The following KSR2 variants were observed in gnomAD, a reference collection of about 807,000 sequenced individuals.
KSR2 encodes the protein kinase suppressor of ras 2.
Under a neutral mutation model 107.8 loss-of-function variants are expected in KSR2, and 25 were observed. The observed-to-expected ratio is 0.23, with a 90% CI of 0.17 to 0.32. The LOEUF is 0.32. Among genes scored for constraint, KSR2 ranks in the 10% least tolerant of loss-of-function variants. KSR2 has a pLI of 1.00. For missense variants in KSR2, 887 were observed against 1,268.9 expected, an observed-to-expected ratio of 0.70 and a Z score of 4.57; for synonymous variants, 480 against 507.0, an observed-to-expected ratio of 0.95 and a Z score of 0.71.
intron 14 of KSR2, among the ~76,000 whole-genome samples, chr12:117,523,888 C>T (rs1418770616): frequency 6.6e-6 from 1 of 152,166 alleles, no homozygotes; most frequent in Non-Finnish European, 1.5e-5. Context: ...AGGAGAATCG[C>T]TTGAACCCGG....
chr12:117,530,452 A>G (rs563725696), intron 12 of KSR2, among the ~76,000 whole-genome samples: 1 of 152,184 alleles, frequency 6.6e-6, no homozygotes. Context: ...CTGTGTTCCA[A>G]TAAAACTTTA....
At chr12:117,759,845 T>C (rs967230316) in intron 4 of KSR2, among the ~76,000 whole-genome samples, 9 of 152,252 alleles carry the variant, frequency 5.9e-5, no homozygotes, top group South Asian at 4.1e-4. Context: ...TGATGGCTCA[T>C]GCCTGTAATC....
chr12:117,492,523 C>A (rs1872800039), intron 14 of KSR2, among the ~76,000 whole-genome samples: 2 of 152,210 alleles, frequency 1.3e-5, no homozygotes, highest in South Asian at 2.1e-4. Flanking sequence ...TTGGGGCACA[C>A]TGCATCTCAT....
chr12:117,738,094 G>A (rs756453904), intron 4 of KSR2, among the ~76,000 whole-genome samples: 8 of 152,114 alleles, frequency 5.3e-5, no homozygotes, highest in African/African-American at 1.2e-4. Context: ...ACACTATCCC[G>A]GAAGCAGAAG....
chr12:117,953,231 T>TA (rs57368412), intron 1 of KSR2, among the ~76,000 whole-genome samples: 8,547 of 152,096 alleles, frequency 0.056, 801 homozygotes, highest in African/African-American at 0.19. Flanking sequence ...GGTGGGAATG[T>TA]AAAAAACGGT....
chr12:117,620,182 T>C (rs1288134806), intron 5 of KSR2, among the ~76,000 whole-genome samples: 1 of 152,106 alleles, frequency 6.6e-6, no homozygotes, highest in Non-Finnish European at 1.5e-5. Flanking sequence ...TGGTGAAAGA[T>C]AAGGACACCA....
intron 5 of KSR2, among the ~76,000 whole-genome samples, chr12:117,583,365 G>A (rs11068552): frequency 0.61 from 87,894 of 144,112 alleles, 27,852 homozygotes; most frequent in East Asian, 0.97. Context: ...GAGTGAGTGG[G>A]TGGGTGGGTG....
chr12:117,908,838 T>A (rs1365012599), intron 1 of KSR2, among the ~76,000 whole-genome samples: 1 of 152,224 alleles, frequency 6.6e-6, no homozygotes, highest in Non-Finnish European at 1.5e-5. Context: ...TCTTGAGTTA[T>A]TAAGGCAATG....
intron 5 of KSR2, among the ~76,000 whole-genome samples, chr12:117,620,961 G>C (rs1593059844): frequency 6.6e-6 from 1 of 152,110 alleles, no homozygotes; most frequent in Admixed American, 6.6e-5. Flanking sequence ...GGGAATATTA[G>C]AGGATATATA....
intron 4 of KSR2, among the ~76,000 whole-genome samples, chr12:117,682,673 C>T (rs923679602): frequency 6.6e-6 from 1 of 152,166 alleles, no homozygotes; most frequent in East Asian, 1.9e-4. Context: ...CTGCCTCAGC[C>T]TCCCAAAGTG....
At chr12:117,965,013 T>G (rs1383884930) in intron 1 of KSR2, among the ~76,000 whole-genome samples, 1 of 152,204 alleles carries the variant, frequency 6.6e-6, no homozygotes, top group Non-Finnish European at 1.5e-5. Flanking sequence ...TGGATCATGA[T>G]CCATCTAAGC....
intron 4 of KSR2, among the ~76,000 whole-genome samples, chr12:117,688,287 G>A (rs1885665581): frequency 6.6e-6 from 1 of 152,216 alleles, no homozygotes; most frequent in South Asian, 2.1e-4. Context: ...GGCTGAGGCG[G>A]GAGAATCGCT....
At chr12:117,497,633 G>A (rs1008977244) in intron 14 of KSR2, among the ~76,000 whole-genome samples, 4 of 152,278 alleles carry the variant, frequency 2.6e-5, no homozygotes, top group South Asian at 4.1e-4. Context: ...GGAGACTGGC[G>A]CAATAAGTCA....
At chr12:117,927,188 C>A (rs1566085204) in intron 1 of KSR2, among the ~76,000 whole-genome samples, 1 of 151,776 alleles carries the variant, frequency 6.6e-6, no homozygotes, top group African/African-American at 2.4e-5. Flanking sequence ...CCATCCTGGA[C>A]AACATGGTGA....
In KSR2 at chr12:117,459,766, G is replaced by C. The variant is rs1592893448; in HGVS notation, c.*7433C>G. The C allele has an allele frequency of 6.6e-6, 1 of 152,234 alleles. No individual in the cohort carries two copies. Among genetic ancestry groups the C allele is most frequent in the Admixed American group, 6.5e-5 (1 of 15,280 alleles). The allele number at this position is 152,234 out of a possible 1,614,324, so 9.4% of individuals were successfully genotyped here. On this transcript the variant is annotated 3_prime_UTR_variant, in exon 20 of 20. Transcript: ENST00000339824. The stretch of plus-strand genomic sequence containing the variant: ...GCCAGATGTGGTGTTCTTGTTCATG[G>C]AACCACTGTCCACATGGATGGAATC...
chr12:117,822,135 A>G (rs970219760), intron 3 of KSR2, among the ~76,000 whole-genome samples: 11 of 152,340 alleles, frequency 7.2e-5, no homozygotes, highest in South Asian at 4.1e-4. Flanking sequence ...AAGTTACCCT[A>G]TATGATCTAA....
intron 4 of KSR2, among the ~76,000 whole-genome samples, chr12:117,686,436 C>G (rs984972036): frequency 2.6e-5 from 4 of 151,856 alleles, no homozygotes; most frequent in African/African-American, 9.7e-5. Flanking sequence ...GGCTAGGCGA[C>G]TTGTCTAAGG....
Position 117,968,282 on chromosome 12 carries a change from C to G in KSR2, c.-27G>C, listed in dbSNP as rs760744680. The G allele has an allele frequency of 1.3e-6, 2 of 1,506,284 alleles. No homozygotes were observed. The highest frequency in any genetic ancestry group is 1.8e-6 in the Non-Finnish European group (2 of 1,139,460). The allele number at this position is 1,506,284 out of a possible 1,614,324, so 93.3% of individuals were successfully genotyped here. A position where few individuals can be genotyped will look rare whatever the true frequency, so the allele number is the denominator to read the frequency against. ...GCTTGCTCTGCAACCCCCTTCCCCT[C>G]CTCCTCCTCCCAGAGAGAAAAAAGA... On this transcript the variant is annotated 5_prime_UTR_variant, in exon 1 of 20. Transcript: ENST00000339824.
At chr12:117,945,916 G>C (rs4767643) in intron 1 of KSR2, among the ~76,000 whole-genome samples, 80,496 of 151,880 alleles carry the variant, frequency 0.53, 21,716 homozygotes, top group African/African-American at 0.63. Context: ...AAATCAGTAA[G>C]AAAAATAGAA....
Sources: gnomAD v4.1 joint callset for allele counts (sites outside exome capture counted in the v4.1 genomes callset) on GRCh38, gnomAD v4.1.1 for gene constraint, MANE v1.5 for transcripts, NCBI Gene and HGNC (gene_info 2026-07-23, HGNC 2026-07-21) for gene names.